The following IQSEC1 variants were observed in gnomAD, a reference collection of about 807,000 sequenced individuals.
IQSEC1 encodes the protein IQ motif and Sec7 domain ArfGEF 1, also known as IQ motif and SEC7 domain-containing protein 1.
Under a neutral mutation model 91.0 loss-of-function variants are expected in IQSEC1, and 31 were observed. The observed-to-expected ratio is 0.34, with a 90% CI of 0.26 to 0.46. IQSEC1 has a LOEUF of 0.46. Among genes scored for constraint, IQSEC1 ranks in the 20% least tolerant of loss-of-function variants. The pLI, the probability that IQSEC1 is intolerant of heterozygous loss-of-function variation, is 1.00. For missense variants in IQSEC1, 1,388 were observed against 1,575.6 expected, an observed-to-expected ratio of 0.88 and a Z score of 2.02; for synonymous variants, 699 against 662.6, an observed-to-expected ratio of 1.05 and a Z score of -0.84.
intron 1 of IQSEC1, among the ~76,000 whole-genome samples, chr3:13,046,236 A>G (rs1704488129): frequency 6.6e-6 from 1 of 152,256 alleles, no homozygotes; most frequent in Admixed American, 6.5e-5. Flanking sequence ...TCACAAAGCA[A>G]AGGAAGTACT....
At chr3:13,216,599 A>G (rs1268625385) in intron 1 of IQSEC1, among the ~76,000 whole-genome samples, 3 of 152,218 alleles carry the variant, frequency 2.0e-5, no homozygotes, top group Non-Finnish European at 4.4e-5. Flanking sequence ...GAGGGGCTAG[A>G]GAAATGAATA....
At chr3:12,974,634 A>G (rs1701070238) in intron 1 of IQSEC1, among the ~76,000 whole-genome samples, 1 of 152,214 alleles carries the variant, frequency 6.6e-6, no homozygotes. Flanking sequence ...TTCAGGAGGA[A>G]ATTCCACTGA....
intron 2 of IQSEC1, 57 bp downstream of exon 2, chr3:12,941,514 G>A: frequency 1.4e-6 from 2 of 1,445,264 alleles, no homozygotes; most frequent in South Asian, 1.4e-5. Context: ...GGGCACACAT[G>A]GTGGGCAGAG....
At chr3:13,130,269 A>G (rs969844767) in intron 2 of IQSEC1, among the ~76,000 whole-genome samples, 1 of 149,252 alleles carries the variant, frequency 6.7e-6, no homozygotes, top group East Asian at 2.0e-4. Context: ...GCTTGAGCCC[A>G]GGAGGCAGAA....
chr3:13,101,419 C>CAA (rs5846799), intron 2 of IQSEC1, among the ~76,000 whole-genome samples: 4,219 of 119,482 alleles, frequency 0.035, 280 homozygotes, highest in African/African-American at 0.12. Flanking sequence ...ATTCCATCTC[C>CAA]AAAAAAAAAA....
At chr3:13,029,844 T>C (rs1273520424) in intron 1 of IQSEC1, among the ~76,000 whole-genome samples, 4 of 152,358 alleles carry the variant, frequency 2.6e-5, no homozygotes, top group East Asian at 1.9e-4. Flanking sequence ...CTCCTTTCCT[T>C]GTCATCTGCT....
At chr3:13,165,578 G>GTGTGTGTC (rs1377649445) in intron 1 of IQSEC1, among the ~76,000 whole-genome samples, 60 of 105,718 alleles carry the variant, frequency 5.7e-4, no homozygotes, top group African/African-American at 1.7e-3. Flanking sequence ...GTGTGTGTGT[G>GTGTGTGTC]TGTCTGTCTG....
intron 2 of IQSEC1, among the ~76,000 whole-genome samples, chr3:13,104,443 G>C (rs1706111855): frequency 6.6e-6 from 1 of 152,088 alleles, no homozygotes; most frequent in South Asian, 2.1e-4. Flanking sequence ...TGGGCTCTCT[G>C]TAGTCTATAC....
At chr3:13,235,045 G>T (rs1481256531) in intron 1 of IQSEC1, among the ~76,000 whole-genome samples, 4 of 152,198 alleles carry the variant, frequency 2.6e-5, no homozygotes, top group Admixed American at 2.6e-4. Flanking sequence ...GGCTCTGGGG[G>T]TCTAGCGAGG....
chr3:13,051,297 G>A (rs1431241287), intron 1 of IQSEC1, among the ~76,000 whole-genome samples: 3 of 152,188 alleles, frequency 2.0e-5, no homozygotes, highest in Admixed American at 6.5e-5. Flanking sequence ...TCCTGGGGAG[G>A]CTGCTTCCTT....
chr3:13,117,569 C>CAAAAAA lies in IQSEC1; in HGVS notation c.302+46529_302+46534dup, dbSNP rs34002295. Among the ~76,000 whole-genome samples the CAAAAAA allele has an allele frequency of 6.3e-4, 6 of 9,458 alleles. 1 individual carries two copies. Among genetic ancestry groups the CAAAAAA allele is most frequent in the African/African-American group, 2.1e-3 (5 of 2,350 alleles). 6.2% of individuals were successfully genotyped at this position (9,458 alleles called of 152,430 possible). A position where few individuals can be genotyped will look rare whatever the true frequency, so the allele number is the denominator to read the frequency against. On this transcript the variant is annotated intron_variant, in intron 2 of 15. Transcript: ENST00000648114. ...CTGGTGACAGAGCAAGACTCCGTCTCAAAAAAAAAAAAAAAAAAAAAAAAA... is the reference window on the plus strand; with the variant it reads ...CTGGTGACAGAGCAAGACTCCGTCTCAAAAAAAAAAAAAAAAAAAAAAAAAAAAAAA...
At chr3:13,003,359 C>T (rs554588147) in intron 1 of IQSEC1, among the ~76,000 whole-genome samples, 32 of 150,190 alleles carry the variant, frequency 2.1e-4, no homozygotes, top group Non-Finnish European at 4.7e-4. Flanking sequence ...AAACTTCACG[C>T]TAAGTGAATA....
intron 2 of IQSEC1, 99 bp from the exon 3 acceptor site, chr3:12,936,796 C>A: frequency 8.1e-7 from 1 of 1,236,702 alleles, no homozygotes; most frequent in South Asian, 1.6e-5. Flanking sequence ...GCTGTGCGAC[C>A]TGGGAAGGTC....
At chr3:13,118,028 AGTAAGTATG>A (rs1213749102) in intron 2 of IQSEC1, among the ~76,000 whole-genome samples, 5 of 152,172 alleles carry the variant, frequency 3.3e-5, no homozygotes, top group African/African-American at 1.2e-4. Context: ...TGTGGAATAC[AGTAAGTATG>A]GTGGCTGTAG....
intron 1 of IQSEC1, among the ~76,000 whole-genome samples, chr3:12,987,664 A>C (rs1421702959): frequency 6.6e-6 from 1 of 152,226 alleles, no homozygotes; most frequent in Non-Finnish European, 1.5e-5. Context: ...GGCAGGCAGG[A>C]GGGAGGGAGA....
intron 1 of IQSEC1, among the ~76,000 whole-genome samples, chr3:13,176,695 C>T (rs554110118): frequency 6.6e-6 from 1 of 152,348 alleles, no homozygotes; most frequent in African/African-American, 2.4e-5. Flanking sequence ...AAGCACAGAG[C>T]TGGCAAGGGA....
In IQSEC1 at chr3:12,922,328, C is replaced by T. The variant is rs1306701736; in HGVS notation, c.1731-86G>A. On this transcript the variant is annotated intron_variant, in intron 4 of 13. Transcript: ENST00000613206. This position sits in a 1 kb window ranked among gnomAD's most constrained non-coding sequence, Gnocchi z 5.1. ...ACCCCCAGGTGGTGGTGCCTGAAGC[C>T]CTGGGAATGGACCGCCTCCTGGCAG... 2 of 1,430,574 alleles carry T rather than the reference C, an allele frequency of 1.4e-6. No homozygotes were observed. Among genetic ancestry groups the T allele is most frequent in the Admixed American group, 2.4e-5 (1 of 41,664 alleles). The allele number at this position is 1,430,574 out of a possible 1,614,324, so 88.6% of individuals were successfully genotyped here.
intron 1 of IQSEC1, among the ~76,000 whole-genome samples, chr3:13,278,257 C>G (rs762493580): frequency 4.4e-4 from 67 of 152,124 alleles, no homozygotes; most frequent in Non-Finnish European, 5.3e-4. Context: ...TTCCCCCCCC[C>G]ACCCCCAGCC....
intron 1 of IQSEC1, among the ~76,000 whole-genome samples, chr3:12,957,368 G>A (rs1699974088): frequency 6.6e-6 from 1 of 152,194 alleles, no homozygotes; most frequent in Admixed American, 6.5e-5. Context: ...CTGAGTGCAC[G>A]GAGATGACCA....
Sources: gnomAD v4.1 joint callset for allele counts (sites outside exome capture counted in the v4.1 genomes callset) on GRCh38, gnomAD v4.1.1 for gene constraint, Gnocchi (gnomAD v3.1) non-coding constraint, MANE v1.5 for transcripts, NCBI Gene and HGNC (gene_info 2026-07-23, HGNC 2026-07-21) for gene names.